The following RORB variants were observed in gnomAD, a reference collection of about 807,000 sequenced individuals.
RORB encodes nuclear receptor ROR-beta.
Under a neutral mutation model 59.1 loss-of-function variants are expected in RORB, and 6 were observed. The observed-to-expected ratio is 0.10, with a 90% CI of 0.06 to 0.20. The LOEUF is 0.20. Ranked by LOEUF, RORB falls within the 10% of genes least tolerant of loss-of-function variation. RORB has a pLI of 1.00. For synonymous variants in RORB, 215 were observed against 204.5 expected (o/e 1.05, Z -0.44); for missense variants, 320 against 560.5 (o/e 0.57, Z 4.33).
intron 1 of RORB, among the ~76,000 whole-genome samples, chr9:74,544,004 G>A (rs1002252337): frequency 1.3e-5 from 2 of 152,122 alleles, no homozygotes; most frequent in Admixed American, 1.3e-4. Context: ...CTTGACCTAG[G>A]GTTTAAATTG....
At position 74,618,474 on chromosome 9, in the gene RORB, A is replaced by G. The variant is rs77595715; in HGVS notation, c.8-11808A>G. 6.2e-3 allele frequency among the ~76,000 whole-genome samples: 940 copies of G among 152,290 alleles called. 14 individuals are homozygous for G. Among genetic ancestry groups the G allele is most frequent in the African/African-American group, 0.022 (902 of 41,546 alleles). Reference sequence around the variant, plus strand: ...CAGGTTTCTTTTTTCTAAAACAAAGACATTGAAATTGGTTCTGATCACTAT... The same window carrying G: ...CAGGTTTCTTTTTTCTAAAACAAAGGCATTGAAATTGGTTCTGATCACTAT... On this transcript the variant is annotated intron_variant, in intron 1 of 9. Transcript: ENST00000376896.
At chr9:74,562,055 T>TGGG (rs1822403364) in intron 1 of RORB, among the ~76,000 whole-genome samples, 1 of 152,188 alleles carries the variant, frequency 6.6e-6, no homozygotes, top group South Asian at 2.1e-4. Flanking sequence ...TATCAGAGGA[T>TGGG]GGTGCATGTT....
chr9:74,520,375 C>G (rs1429171460), intron 1 of RORB, among the ~76,000 whole-genome samples: 1 of 151,858 alleles, frequency 6.6e-6, no homozygotes, highest in Admixed American at 6.6e-5. Context: ...AAAAAAACAA[C>G]TTTGAAAACC....
At chr9:74,541,244 C>T (rs1698330094) in intron 1 of RORB, among the ~76,000 whole-genome samples, 1 of 131,790 alleles carries the variant, frequency 7.6e-6, no homozygotes, top group Admixed American at 9.1e-5. Flanking sequence ...CGCGCCACTG[C>T]TCTCCAGCCT....
At chr9:74,616,331 A>C (rs1401797698) in intron 1 of RORB, among the ~76,000 whole-genome samples, 1 of 152,198 alleles carries the variant, frequency 6.6e-6, no homozygotes, top group Non-Finnish European at 1.5e-5. Flanking sequence ...AATTGATATA[A>C]TTGTTTCAAA....
At position 74,599,314 on chromosome 9, in the gene RORB, G is replaced by GA. The variant is rs769261383; in HGVS notation, c.8-30957dup. ...ACTCCCAACTCCAGTCTTTCCACCA[G>GA]AAAAAAAAAAATGCCACGAATTGAA... On this transcript the variant is annotated intron_variant, in intron 1 of 9. Coordinates refer to ENST00000376896, the MANE Select transcript of RORB (RefSeq NM_006914.4). 1.9e-3 allele frequency among the ~76,000 whole-genome samples: 267 copies of GA among 141,262 alleles called. 2 individuals are homozygous for GA. Among genetic ancestry groups the GA allele is most frequent in the Middle Eastern group, 3.8e-3 (1 of 260 alleles). 92.7% of individuals were successfully genotyped at this position (141,262 alleles called of 152,430 possible). A position where few individuals can be genotyped will look rare whatever the true frequency, so the allele number is the denominator to read the frequency against.
intron 1 of RORB, among the ~76,000 whole-genome samples, chr9:74,591,798 T>G (rs183672759): frequency 1.3e-5 from 2 of 152,184 alleles, no homozygotes; most frequent in Non-Finnish European, 2.9e-5. Context: ...TATTTATTAA[T>G]GTACAACAAG....
At position 74,595,535 on chromosome 9, in the gene RORB, A is replaced by G. The variant is rs188725610; in HGVS notation, c.8-34747A>G. On this transcript the variant is annotated intron_variant, in intron 1 of 9. Coordinates refer to ENST00000376896, the MANE Select transcript of RORB (RefSeq NM_006914.4). ...CATCAGACTTTACTGTCTGCCAATT[A>G]AAGCATTAGATCGATGAGGTGGAGA... Among the ~76,000 whole-genome samples, 836 of 152,330 alleles carry G rather than the reference A, an allele frequency of 5.5e-3. 3 individuals carry two copies. Among genetic ancestry groups the G allele is most frequent in the Non-Finnish European group, 9.0e-3 (615 of 68,022 alleles).
At chr9:74,679,067 A>C (rs569947375) in intron 9 of RORB, among the ~76,000 whole-genome samples, 66 of 151,874 alleles carry the variant, frequency 4.3e-4, no homozygotes, top group African/African-American at 1.6e-3. Flanking sequence ...ACAAAAAAAA[A>C]AACAAAAAAA....
intron 1 of RORB, among the ~76,000 whole-genome samples, chr9:74,590,139 C>CAGT (rs369972499): frequency 2.0e-5 from 3 of 152,010 alleles, no homozygotes; most frequent in East Asian, 1.9e-4. Context: ...TCAGTAGTAA[C>CAGT]AGTAGTAGTA....
At chr9:74,569,312 C>T (rs1554667127) in intron 1 of RORB, among the ~76,000 whole-genome samples, 1 of 151,712 alleles carries the variant, frequency 6.6e-6, no homozygotes, top group African/African-American at 2.4e-5. Flanking sequence ...TTTTTTAACT[C>T]TGCTGTTAAG....
chr9:74,584,625 T>C (rs1822770828), intron 1 of RORB, among the ~76,000 whole-genome samples: 1 of 152,228 alleles, frequency 6.6e-6, no homozygotes, highest in South Asian at 2.1e-4. Context: ...CAGAGTCTAC[T>C]GATCTTCATT....
intron 1 of RORB, among the ~76,000 whole-genome samples, chr9:74,608,888 A>G (rs570363557): frequency 7.9e-5 from 12 of 152,338 alleles, no homozygotes; most frequent in Non-Finnish European, 1.3e-4. Context: ...ACTAAATTAA[A>G]ATAATATTGA....
chr9:74,561,202 G>A (rs1563937903), intron 1 of RORB, among the ~76,000 whole-genome samples: 1 of 152,036 alleles, frequency 6.6e-6, no homozygotes, highest in South Asian at 2.1e-4. Context: ...CTCTCCCCGA[G>A]ATGTGAGGAA....
At chr9:74,510,662 G>C (rs1210034354) in intron 1 of RORB, among the ~76,000 whole-genome samples, 2 of 152,140 alleles carry the variant, frequency 1.3e-5, no homozygotes, top group Non-Finnish European at 2.9e-5. Flanking sequence ...AATGTGTCCA[G>C]AGTACCCAGA....
chr9:74,614,012 A>G (rs1823272684), intron 1 of RORB, among the ~76,000 whole-genome samples: 1 of 152,116 alleles, frequency 6.6e-6, no homozygotes, highest in Non-Finnish European at 1.5e-5. Context: ...TGTTTTTGCT[A>G]TTGTGAATAA....
intron 1 of RORB, among the ~76,000 whole-genome samples, chr9:74,568,699 CAAA>C (rs34771605): frequency 9.3e-6 from 1 of 107,362 alleles, no homozygotes; most frequent in Non-Finnish European, 1.8e-5. Context: ...GACTCCATCT[CAAA>C]AAAAAAAAAA....
chr9:74,644,466 A>C (rs1166676404), intron 4 of RORB, among the ~76,000 whole-genome samples: 2 of 152,228 alleles, frequency 1.3e-5, no homozygotes, highest in African/African-American at 4.8e-5. Context: ...CGAAGCTTAG[A>C]GATGTCTCAT....
chr9:74,567,089 G>T (rs939025275), intron 1 of RORB, among the ~76,000 whole-genome samples: 6 of 151,532 alleles, frequency 4.0e-5, no homozygotes, highest in African/African-American at 1.2e-4. Flanking sequence ...GTGCAACGGC[G>T]TGATCTCGGC....
Sources: allele counts gnomAD v4.1 joint callset (sites outside exome capture counted in the v4.1 genomes callset), GRCh38; gene constraint gnomAD v4.1.1; transcripts MANE v1.5; gene names NCBI Gene and HGNC (gene_info 2026-07-23, HGNC 2026-07-21).